The following EHBP1 variants were observed in gnomAD, a reference collection of about 807,000 sequenced individuals.
EHBP1 encodes EH domain binding protein 1.
Under a neutral mutation model 144.0 loss-of-function variants are expected in EHBP1, and 55 were observed. The ratio of observed to expected loss-of-function variants is 0.38; its 90% confidence interval spans 0.31 to 0.48. The LOEUF is 0.48. Among genes scored for constraint, EHBP1 ranks in the 20% least tolerant of loss-of-function variants. EHBP1 has a pLI of 0.98. For missense variants in EHBP1, 1,200 were observed against 1,364.2 expected (o/e 0.88, Z 1.90); for synonymous variants, 469 against 472.7 (o/e 0.99, Z 0.10).
At chr2:62,944,654 A>G (rs1383829989) in intron 12 of EHBP1, among the ~76,000 whole-genome samples, 3 of 152,252 alleles carry the variant, frequency 2.0e-5, no homozygotes, top group Non-Finnish European at 2.9e-5. Context: ...TATTGAGATC[A>G]GAACTTCCCA....
At chr2:62,890,467 C>T (rs965225043) in intron 10 of EHBP1, among the ~76,000 whole-genome samples, 1 of 151,942 alleles carries the variant, frequency 6.6e-6, no homozygotes, top group Non-Finnish European at 1.5e-5. Flanking sequence ...CCCTAGTTAG[C>T]TTATTTTTAG....
chr2:62,845,239 C>T (rs893316979), intron 7 of EHBP1, among the ~76,000 whole-genome samples: 4 of 151,712 alleles, frequency 2.6e-5, no homozygotes, highest in Non-Finnish European at 5.9e-5. Flanking sequence ...TGTGGCCTTA[C>T]ACCAGCTATA....
chr2:62,790,984 G>C (rs1475918871), intron 5 of EHBP1, among the ~76,000 whole-genome samples: 1 of 151,846 alleles, frequency 6.6e-6, no homozygotes, highest in Admixed American at 6.6e-5. Flanking sequence ...TATAGATGTG[G>C]GTTTCTGGAT....
At chr2:62,986,764 T>C (rs544173120) in intron 15 of EHBP1, among the ~76,000 whole-genome samples, 1 of 152,220 alleles carries the variant, frequency 6.6e-6, no homozygotes, top group South Asian at 2.1e-4. Context: ...GTTTTCTTCT[T>C]CCAAATGGTT....
At chr2:62,713,069 C>A (rs1271365066) in intron 2 of EHBP1, among the ~76,000 whole-genome samples, 1 of 151,904 alleles carries the variant, frequency 6.6e-6, no homozygotes, top group Non-Finnish European at 1.5e-5. Flanking sequence ...GAGACTATAG[C>A]TATTAGTATA....
intron 10 of EHBP1, among the ~76,000 whole-genome samples, chr2:62,933,040 C>T (rs1558937289): frequency 1.3e-5 from 2 of 151,008 alleles, no homozygotes; most frequent in Non-Finnish European, 2.9e-5. Flanking sequence ...TATTGAGGAG[C>T]CCAAATAACT....
At chr2:62,818,292 A>C (rs1271955467) in intron 5 of EHBP1, among the ~76,000 whole-genome samples, 3 of 151,556 alleles carry the variant, frequency 2.0e-5, no homozygotes, top group Admixed American at 2.0e-4. Context: ...TGCCCTATAC[A>C]GACATACCAT....
intron 2 of EHBP1, among the ~76,000 whole-genome samples, chr2:62,739,589 T>C (rs1040651098): frequency 6.6e-6 from 1 of 152,124 alleles, no homozygotes; most frequent in Non-Finnish European, 1.5e-5. Flanking sequence ...AAGACCAATA[T>C]TGCACACATA....
intron 5 of EHBP1, among the ~76,000 whole-genome samples, chr2:62,776,401 T>G (rs201000988): frequency 6.6e-6 from 1 of 152,224 alleles, no homozygotes; most frequent in African/African-American, 2.4e-5. Flanking sequence ...TATTGAAGAT[T>G]GGAAATAATG....
chr2:62,942,856 T>G lies in EHBP1; in HGVS notation c.1324T>G (p.Ser442Ala), dbSNP rs2056841731. ...TACTACATCGTGGAGAAATGGTTTA[T>G]CTTTTTGTGCAATATTACACCACTT... ...NFTTSWRNGL[S>A]FCAILHHFRP... The change falls in exon 11 of 23, where the codon TCT (serine) becomes GCT (alanine). Residue 442 changes from serine to alanine, a missense_variant. Coordinates refer to ENST00000431489, the MANE Select transcript of EHBP1 (RefSeq NM_001142616.3). The G allele has an allele frequency of 6.2e-7, 1 of 1,613,694 alleles. No homozygotes were observed. Among genetic ancestry groups the G allele is most frequent in the Admixed American group, 1.7e-5 (1 of 59,994 alleles).
At chr2:62,871,112 T>A (rs902139810) in intron 9 of EHBP1, among the ~76,000 whole-genome samples, 1 of 152,204 alleles carries the variant, frequency 6.6e-6, no homozygotes, top group Non-Finnish European at 1.5e-5. Context: ...TCATGGGTGG[T>A]GTAGGTGCTG....
intron 2 of EHBP1, among the ~76,000 whole-genome samples, chr2:62,732,335 C>CTCTTTT (rs766617167): frequency 5.3e-5 from 8 of 152,110 alleles, no homozygotes; most frequent in African/African-American, 1.4e-4. Flanking sequence ...CTATGCCTTT[C>CTCTTTT]TCTTTTTCTT....
intron 15 of EHBP1, among the ~76,000 whole-genome samples, chr2:62,980,125 C>T (rs2058897410): frequency 6.6e-6 from 1 of 152,180 alleles, no homozygotes; most frequent in African/African-American, 2.4e-5. Flanking sequence ...GACCTTAGAG[C>T]AGCCATCCCC....
intron 7 of EHBP1, among the ~76,000 whole-genome samples, chr2:62,851,616 G>A (rs2048700054): frequency 6.6e-6 from 1 of 152,164 alleles, no homozygotes; most frequent in African/African-American, 2.4e-5. Flanking sequence ...TACTAGCACA[G>A]GCATGTAATA....
intron 1 of EHBP1, among the ~76,000 whole-genome samples, chr2:62,690,520 G>T (rs1033589192): frequency 1.1e-4 from 17 of 152,070 alleles, no homozygotes; most frequent in African/African-American, 4.1e-4. Flanking sequence ...CCGAGATCAT[G>T]CCACTGCACT....
intron 7 of EHBP1, among the ~76,000 whole-genome samples, chr2:62,846,221 T>C (rs2048289055): frequency 6.6e-6 from 1 of 152,142 alleles, no homozygotes; most frequent in African/African-American, 2.4e-5. Context: ...CTACTGATGC[T>C]GAGAACCCAT....
At chr2:62,966,275 A>C (rs569514495) in intron 14 of EHBP1, among the ~76,000 whole-genome samples, 10 of 152,134 alleles carry the variant, frequency 6.6e-5, no homozygotes, top group African/African-American at 2.2e-4. Flanking sequence ...GGGAATAGTT[A>C]GATTTTTTCC....
At chr2:62,800,244 A>G (rs964768299) in intron 5 of EHBP1, among the ~76,000 whole-genome samples, 1 of 152,182 alleles carries the variant, frequency 6.6e-6, no homozygotes, top group Non-Finnish European at 1.5e-5. Context: ...TCCTTGAAAA[A>G]AATCTCATCT....
Position 62,794,704 on chromosome 2 carries a change from T to G in EHBP1, c.312+23312T>G, listed in dbSNP as rs148983285. Among the ~76,000 whole-genome samples the G allele has an allele frequency of 7.0e-3, 1,071 of 152,136 alleles. 3 individuals are homozygous for G. The highest frequency in any genetic ancestry group is 0.024 in the Middle Eastern group (7 of 294). On this transcript the variant is annotated intron_variant, in intron 5 of 22. Transcript: ENST00000431489. The stretch of plus-strand genomic sequence containing the variant: ...TACCATATTTACTATTGAATCTTCT[T>G]TAAACTTTTTATCATCTTACTGAAA...
Sources: gnomAD v4.1 joint callset for allele counts (sites outside exome capture counted in the v4.1 genomes callset) on GRCh38, gnomAD v4.1.1 for gene constraint, MANE v1.5 for transcripts, NCBI Gene and HGNC (gene_info 2026-07-23, HGNC 2026-07-21) for gene names.